SRFBP1: variants seen among roughly 807,000 people sequenced by gnomAD.
SRFBP1 encodes serum response factor-binding protein 1.
A neutral mutation model predicts 45.5 loss-of-function variants in SRFBP1; 47 were observed. The observed-to-expected ratio is 1.03, with a 90% CI of 0.82 to 1.32. The LOEUF (loss-of-function observed/expected upper bound fraction) is 1.32, where lower values mean the gene tolerates loss of function less well. SRFBP1 is among the 40% of genes most tolerant of loss of function. The pLI, the probability that SRFBP1 is intolerant of heterozygous loss-of-function variation, is 0.00. For synonymous variants in SRFBP1, 203 were observed against 166.3 expected (o/e 1.22, Z -1.70); for missense variants, 621 against 484.6 (o/e 1.28, Z -2.64).
intron 4 of SRFBP1, among the ~76,000 whole-genome samples, chr5:122,001,395 A>AT (rs546908481): frequency 4.1e-5 from 6 of 145,824 alleles, no homozygotes; most frequent in South Asian, 2.1e-4. Context: ...TTTATTTTTT[A>AT]TTTTTTTTAT....
intron 4 of SRFBP1, among the ~76,000 whole-genome samples, chr5:122,016,443 A>G (rs527778411): frequency 6.6e-6 from 1 of 152,318 alleles, no homozygotes; most frequent in South Asian, 2.1e-4. Flanking sequence ...TTTGACTTCC[A>G]GAATTAAAGT....
intron 2 of SRFBP1, among the ~76,000 whole-genome samples, chr5:122,060,762 A>T (rs1173281298): frequency 1.3e-5 from 2 of 152,112 alleles, no homozygotes; most frequent in Non-Finnish European, 2.9e-5. Context: ...CAGAGAATAG[A>T]CAGCAAGAAT....
chr5:121,972,395 G>C (rs1365436253), intron 1 of SRFBP1, among the ~76,000 whole-genome samples: 2 of 151,956 alleles, frequency 1.3e-5, no homozygotes, highest in African/African-American at 2.4e-5. Context: ...GAGGATTTAG[G>C]AGAGTAGGCA....
At chr5:122,048,999 C>T (rs1287057811) in intron 2 of SRFBP1, among the ~76,000 whole-genome samples, 7 of 151,356 alleles carry the variant, frequency 4.6e-5, no homozygotes, top group Non-Finnish European at 1.5e-5. Context: ...AAAATGAGCT[C>T]CTGGATTCAT....
chr5:122,013,503 A>G (rs1035000193), intron 4 of SRFBP1, among the ~76,000 whole-genome samples: 1 of 152,106 alleles, frequency 6.6e-6, no homozygotes, highest in African/African-American at 2.4e-5. Context: ...ATTTTCCAAA[A>G]AAAGATTTTA....
At chr5:121,995,552 A>C (rs1206904641) in intron 4 of SRFBP1, among the ~76,000 whole-genome samples, 1 of 152,206 alleles carries the variant, frequency 6.6e-6, no homozygotes, top group Non-Finnish European at 1.5e-5. Context: ...AATGCTGACA[A>C]GAGAAAGCAG....
At chr5:121,974,347 A>G in intron 2 of SRFBP1, 63 bp downstream of exon 2, 1 of 1,211,848 alleles carries the variant, frequency 8.3e-7, no homozygotes, top group Non-Finnish European at 1.2e-6. Context: ...TTTATTTGAT[A>G]CTTTAAAATG....
chr5:122,036,185 T>C (rs1320000945), intron 2 of SRFBP1, among the ~76,000 whole-genome samples: 2 of 152,192 alleles, frequency 1.3e-5, no homozygotes, highest in African/African-American at 4.8e-5. Flanking sequence ...AGCATTTTTG[T>C]ATGCATAAGG....
intron 3 of SRFBP1, among the ~76,000 whole-genome samples, chr5:121,992,338 C>T (rs982324707): frequency 1.3e-5 from 2 of 151,974 alleles, no homozygotes; most frequent in Admixed American, 6.6e-5. Flanking sequence ...CTCTTTCTTT[C>T]TCTTCTCCCC....
intron 2 of SRFBP1, among the ~76,000 whole-genome samples, chr5:122,046,970 C>G (rs1342154175): frequency 6.6e-6 from 1 of 152,118 alleles, no homozygotes; most frequent in Non-Finnish European, 1.5e-5. Context: ...GAGTAGGTTG[C>G]AGACATTTTC....
At chr5:121,965,256 T>G (rs1752038722) in intron 1 of SRFBP1, among the ~76,000 whole-genome samples, 1 of 152,224 alleles carries the variant, frequency 6.6e-6, no homozygotes. Flanking sequence ...AGTCATGTAG[T>G]CTTTGTCCAT....
intron 2 of SRFBP1, among the ~76,000 whole-genome samples, chr5:122,067,848 T>C (rs77408621): frequency 0.044 from 6,762 of 152,068 alleles, 181 homozygotes; most frequent in African/African-American, 0.061. Context: ...TTCCCCAGAC[T>C]TCAAGGCTCA....
At chr5:121,964,306 G>C (rs1321068198) in intron 1 of SRFBP1, among the ~76,000 whole-genome samples, 1 of 151,860 alleles carries the variant, frequency 6.6e-6, no homozygotes, top group Non-Finnish European at 1.5e-5. Flanking sequence ...TTAACCTGTC[G>C]TCTACATTAG....
intron 3 of SRFBP1, among the ~76,000 whole-genome samples, chr5:121,994,244 T>C (rs1752673285): frequency 6.6e-6 from 1 of 152,066 alleles, no homozygotes; most frequent in Non-Finnish European, 1.5e-5. Flanking sequence ...GCCTCAGCTT[T>C]GTCTGAAACA....
chr5:122,046,124 GC>G (rs1205581136), intron 2 of SRFBP1, among the ~76,000 whole-genome samples: 1 of 152,008 alleles, frequency 6.6e-6, no homozygotes, highest in Non-Finnish European at 1.5e-5. Context: ...GTATACATGT[GC>G]CATGTTGGTG....
chr5:121,977,317 A>G, intron 3 of SRFBP1, among the ~76,000 whole-genome samples: 1 of 151,960 alleles, frequency 6.6e-6, no homozygotes, highest in East Asian at 1.9e-4. Context: ...TTGTGGCAGG[A>G]GTTAGGGCAG....
rs147719716 is a variant in SRFBP1 at position 122,014,810 on chromosome 5, T to C, written c.271-4450T>C. 2.0e-3 allele frequency among the ~76,000 whole-genome samples: 312 copies of C among 152,314 alleles called. 2 individuals carry two copies. The highest frequency in any genetic ancestry group is 7.0e-3 in the African/African-American group (293 of 41,580). Reference sequence around the variant, plus strand: ...GACATGCAAGTATTACCACTGCTCTTCTAAAACTTGTTATAACTAAGATGG... The same window carrying C: ...GACATGCAAGTATTACCACTGCTCTCCTAAAACTTGTTATAACTAAGATGG... On this transcript the variant is annotated intron_variant, in intron 4 of 7. Transcript: ENST00000339397.
At chr5:121,989,807 G>A (rs1022556773) in intron 3 of SRFBP1, among the ~76,000 whole-genome samples, 1 of 152,154 alleles carries the variant, frequency 6.6e-6, no homozygotes, top group Non-Finnish European at 1.5e-5. Context: ...AAGTAAAACA[G>A]AGTAATTTAG....
At chr5:122,075,266 A>C in intron 2 of SRFBP1, 1 of 748,958 alleles carries the variant, frequency 1.3e-6, no homozygotes, top group South Asian at 2.4e-5. Flanking sequence ...ATGTGAAATT[A>C]CATAGAGAAA....
Sources: gnomAD v4.1 joint callset for allele counts (sites outside exome capture counted in the v4.1 genomes callset) on GRCh38, gnomAD v4.1.1 for gene constraint, MANE v1.5 for transcripts, NCBI Gene and HGNC (gene_info 2026-07-23, HGNC 2026-07-21) for gene names.